Variants in FHIP2A observed in about 807,000 individuals in gnomAD.
FHIP2A encodes family with sequence similarity 160 member B1.
In FHIP2A, 46 loss-of-function variants were observed where a neutral mutation model predicts 93.5. That is an observed-to-expected ratio of 0.49 (90% confidence interval 0.39 to 0.63). The LOEUF (loss-of-function observed/expected upper bound fraction) is 0.63. FHIP2A is among the 20% of genes least tolerant of loss of function. FHIP2A has a pLI of 0.00. For missense variants in FHIP2A, 769 were observed against 909.7 expected (o/e 0.85, Z 1.99); for synonymous variants, 332 against 326.5 (o/e 1.02, Z -0.18).
At chr10:114,846,996 TG>T in intron 11 of FHIP2A, 93 bp from the exon 12 acceptor site, 1 of 1,166,836 alleles carries the variant, frequency 8.6e-7, no homozygotes, top group Non-Finnish European at 1.2e-6. Flanking sequence ...AGCAAAATTA[TG>T]TAACATTTTC....
chr10:114,864,106 G>GTATA lies in FHIP2A; in HGVS notation c.*2570_*2573dup. 1 of 914,952 alleles carries GTATA rather than the reference G, an allele frequency of 1.1e-6. No individual in the cohort carries two copies. The highest frequency in any genetic ancestry group is 4.8e-5 in the South Asian group (1 of 20,858). The allele number at this position is 914,952 out of a possible 1,614,324, so 56.7% of individuals were successfully genotyped here. A position where few individuals can be genotyped will look rare whatever the true frequency, so the allele number is the denominator to read the frequency against. Reference sequence around the variant, plus strand: ...GGTTTAATTGTACATTATTGTGTGTGTATATATGTATATATGTATATATAT... The same window carrying GTATA: ...GGTTTAATTGTACATTATTGTGTGTGTATATATATATGTATATATGTATATATAT... On this transcript the variant is annotated 3_prime_UTR_variant, in exon 17 of 17. Transcript: ENST00000369248.
intron 1 of FHIP2A, among the ~76,000 whole-genome samples, chr10:114,828,871 C>G (rs11196936): frequency 6.6e-6 from 1 of 151,832 alleles, no homozygotes; most frequent in African/African-American, 2.4e-5. Context: ...GTGGAAGATA[C>G]TGATAATTGT....
chr10:114,826,635 T>C (rs111993313), intron 1 of FHIP2A, among the ~76,000 whole-genome samples: 4 of 152,170 alleles, frequency 2.6e-5, no homozygotes, highest in African/African-American at 7.2e-5. Context: ...AGCAAGACTT[T>C]AGAGAGGCAG....
At position 114,848,634 on chromosome 10, in the gene FHIP2A, GT is replaced by G; in HGVS notation, c.1713-9del. 6.5e-7 allele frequency: 1 copy of G among 1,550,348 alleles called. No individual in the cohort carries two copies. Among genetic ancestry groups the G allele is most frequent in the Non-Finnish European group, 8.9e-7 (1 of 1,129,332 alleles). ...ATGGACATCTTGCATAATTGTGGCC[GT>G]TTTCATTTAAGTTTTCTCTGTCTGG... On this transcript the variant is annotated splice_polypyrimidine_tract_variant and intron_variant, in intron 12 of 16. Transcript: ENST00000369248.
At chr10:114,888,560 T>A (rs963104680) in intron 16 of FHIP2A, among the ~76,000 whole-genome samples, 2 of 152,220 alleles carry the variant, frequency 1.3e-5, no homozygotes, top group African/African-American at 4.8e-5. Flanking sequence ...GAAGCTTAAG[T>A]AAGCACCTCC....
At chr10:114,854,665 G>A (rs1264918913) in intron 13 of FHIP2A, among the ~76,000 whole-genome samples, 3 of 152,158 alleles carry the variant, frequency 2.0e-5, no homozygotes, top group Admixed American at 6.5e-5. Flanking sequence ...ATTGTGGACG[G>A]TAGTGAACAC....
At chr10:114,843,614 A>C (rs1453602417) in intron 6 of FHIP2A, 127 bp from the exon 7 acceptor site, 5 of 816,604 alleles carry the variant, frequency 6.1e-6, no homozygotes, top group Admixed American at 3.8e-5. Flanking sequence ...AATAATATGC[A>C]TTTAAAATAG....
chr10:114,891,843 T>C (rs1194728870), intron 16 of FHIP2A, among the ~76,000 whole-genome samples: 1 of 152,080 alleles, frequency 6.6e-6, no homozygotes. Flanking sequence ...CTCAAACTCC[T>C]GACCTCAGGT....
chr10:114,857,918 G>A (rs919681347), intron 14 of FHIP2A, among the ~76,000 whole-genome samples: 2 of 152,142 alleles, frequency 1.3e-5, no homozygotes, highest in Non-Finnish European at 2.9e-5. Context: ...AAGAACACTG[G>A]GAACATTGTA....
At chr10:114,822,573 T>C (rs1476619739) in intron 1 of FHIP2A, among the ~76,000 whole-genome samples, 1 of 152,224 alleles carries the variant, frequency 6.6e-6, no homozygotes, top group Admixed American at 6.5e-5. Context: ...CAAGCACCGC[T>C]TGGGCTTGGT....
rs545031166 is a variant in FHIP2A at position 114,861,595 on chromosome 10, A to G, written c.*55A>G. On this transcript the variant is annotated 3_prime_UTR_variant, in exon 17 of 17. Coordinates refer to ENST00000369248, the MANE Select transcript of FHIP2A (RefSeq NM_020940.4). ...GAACTACTGTGTACATTTCACCAAAAAAGACTCAGTTCCACCCAGCCACAA... is the reference window on the plus strand; with the variant it reads ...GAACTACTGTGTACATTTCACCAAAGAAGACTCAGTTCCACCCAGCCACAA... The G allele has an allele frequency of 7.4e-5, 117 of 1,590,990 alleles. No homozygotes were observed. The highest frequency in any genetic ancestry group is 9.7e-5 in the Non-Finnish European group (114 of 1,171,084).
chr10:114,841,110 C>T (rs2083665964), intron 5 of FHIP2A, among the ~76,000 whole-genome samples: 1 of 152,038 alleles, frequency 6.6e-6, no homozygotes, highest in Non-Finnish European at 1.5e-5. Flanking sequence ...TCAAGCCCCA[C>T]AGAAGACCAG....
intron 2 of FHIP2A, 28 bp from the exon 3 acceptor site, chr10:114,833,205 T>C (rs1592014560): frequency 6.4e-7 from 1 of 1,567,158 alleles, no homozygotes; most frequent in Non-Finnish European, 8.7e-7. Flanking sequence ...AATGTTTAAA[T>C]ATTTGATGAA....
At chr10:114,833,128 G>A in intron 2 of FHIP2A, 105 bp from the exon 3 acceptor site, 1 of 838,410 alleles carries the variant, frequency 1.2e-6, no homozygotes, top group Non-Finnish European at 1.8e-6. Context: ...GTGTAGTTCA[G>A]ATTTTTCTCA....
In FHIP2A at chr10:114,846,347, T is replaced by C; in HGVS notation, c.1378T>C (p.Cys460Arg). 6.2e-7 allele frequency: 1 copy of C among 1,613,962 alleles called. No individual in the cohort carries two copies. The change falls in exon 10 of 17, where the codon TGT becomes CGT. Residue 460 changes from cysteine to arginine, a missense_variant. By Grantham distance (180) the Cys-to-Arg change is radical. Coordinates refer to ENST00000369248, the MANE Select transcript of FHIP2A (RefSeq NM_020940.4). ...TTTAAGGCATAGGTTAATTGAACAT[T>C]GTGATCACATATCTGATGAGGTAAG... ...HPLRHRLIEH[C>R]DHISDEISIM...
At chr10:114,871,486 C>T (rs1304184477) in intron 16 of FHIP2A, among the ~76,000 whole-genome samples, 1 of 152,160 alleles carries the variant, frequency 6.6e-6, no homozygotes, top group Non-Finnish European at 1.5e-5. Context: ...CTGTCAGCCC[C>T]AGTGGTAGTA....
chr10:114,831,206 G>A (rs578254095), intron 2 of FHIP2A, among the ~76,000 whole-genome samples: 8 of 152,274 alleles, frequency 5.3e-5, no homozygotes, highest in Admixed American at 5.2e-4. Flanking sequence ...TTGATTGGGA[G>A]GAGGCAGACA....
chr10:114,879,465 A>T (rs2083905978), intron 16 of FHIP2A, among the ~76,000 whole-genome samples: 1 of 152,228 alleles, frequency 6.6e-6, no homozygotes, highest in African/African-American at 2.4e-5. Context: ...ACTGAAATAC[A>T]CACATACTCT....
chr10:114,843,221 A>T lies in FHIP2A; in HGVS notation c.811A>T (p.Ser271Cys), dbSNP rs2083679860. ...GAATTCTTTGTTAAATCTTACTAGA[A>T]GTCCTGTGAGTTATGGTCCTTACTT... ...LVNSLLNLTR[S>C]PDGRIAVKAC... The change falls in exon 6 of 17, where the codon AGT becomes TGT. Residue 271 changes from serine (S) to cysteine (C), a missense_variant. Coordinates refer to ENST00000369248, the MANE Select transcript of FHIP2A (RefSeq NM_020940.4). The T allele has an allele frequency of 6.2e-7, 1 of 1,609,280 alleles. No homozygotes were observed. Among genetic ancestry groups the T allele is most frequent in the Non-Finnish European group, 8.5e-7 (1 of 1,176,424 alleles).
Sources: allele counts gnomAD v4.1 joint callset (sites outside exome capture counted in the v4.1 genomes callset), GRCh38; gene constraint gnomAD v4.1.1; transcripts MANE v1.5; gene names NCBI Gene and HGNC (gene_info 2026-07-23, HGNC 2026-07-21).